TENM3: variants seen among roughly 807,000 people sequenced by gnomAD.
TENM3 encodes the protein teneurin transmembrane protein 3, also known as teneurin-3.
In TENM3, 63 loss-of-function variants were observed where a neutral mutation model predicts 255.1. The ratio of observed to expected loss-of-function variants is 0.25; its 90% CI spans 0.20 to 0.30. TENM3 has a LOEUF of 0.30. TENM3 is among the 10% of genes least tolerant of loss of function. The pLI is 1.00. For missense variants in TENM3, 2,929 were observed against 3,461.1 expected, an observed-to-expected ratio of 0.85 and a Z score of 3.86; for synonymous variants, 1,306 against 1,322.3, an observed-to-expected ratio of 0.99 and a Z score of 0.27.
chr4:182,541,732 T>C (rs1029172552), intron 3 of TENM3, among the ~76,000 whole-genome samples: 2 of 152,152 alleles, frequency 1.3e-5, no homozygotes, highest in Admixed American at 6.5e-5. Context: ...AATCTGGTTT[T>C]AAGTAACATT....
At chr4:182,391,505 G>A (rs977557827) in intron 3 of TENM3, among the ~76,000 whole-genome samples, 1 of 152,168 alleles carries the variant, frequency 6.6e-6, no homozygotes, top group African/African-American at 2.4e-5. Context: ...GCAAACACAG[G>A]CACACGGCTG....
the TENM3 span, among the ~76,000 whole-genome samples, chr4:181,529,692 G>C: frequency 6.6e-6 from 1 of 152,210 alleles, no homozygotes; most frequent in Admixed American, 6.5e-5. Context: ...CACAAGTATT[G>C]CATTTACACT....
chr4:181,540,474 G>A, the TENM3 span, among the ~76,000 whole-genome samples: 3 of 152,066 alleles, frequency 2.0e-5, no homozygotes, highest in African/African-American at 4.8e-5. Context: ...AGTACAGAGC[G>A]GACAGGGAGA....
At chr4:182,742,180 C>T (rs1261668740) in intron 18 of TENM3, among the ~76,000 whole-genome samples, 2 of 152,180 alleles carry the variant, frequency 1.3e-5, no homozygotes, top group African/African-American at 4.8e-5. Context: ...AAACTGGAGG[C>T]ACTGATCTGT....
At chr4:181,709,997 C>T in the TENM3 span, among the ~76,000 whole-genome samples, 1 of 152,258 alleles carries the variant, frequency 6.6e-6, no homozygotes, top group East Asian at 1.9e-4. Flanking sequence ...ACTCTGGACA[C>T]ATTAAATTTG....
the TENM3 span, among the ~76,000 whole-genome samples, chr4:181,697,560 A>G: frequency 5.3e-5 from 8 of 151,804 alleles, no homozygotes; most frequent in Admixed American, 5.2e-4. Context: ...CACCCGGCTA[A>G]TTTTTGTATT....
At chr4:182,366,251 TTAAAA>T (rs1384621692) in intron 3 of TENM3, among the ~76,000 whole-genome samples, 2 of 151,968 alleles carry the variant, frequency 1.3e-5, no homozygotes, top group Non-Finnish European at 2.9e-5. Flanking sequence ...TTTACAAACT[TTAAAA>T]TATAATCAAA....
chr4:182,178,534 T>C (rs972850079), intron 1 of TENM3, among the ~76,000 whole-genome samples: 1 of 152,242 alleles, frequency 6.6e-6, no homozygotes, highest in African/African-American at 2.4e-5. Context: ...GTGTCTTGCA[T>C]GTTCAGGGAT....
the TENM3 span, among the ~76,000 whole-genome samples, chr4:181,569,191 A>C: frequency 6.6e-6 from 1 of 152,118 alleles, no homozygotes; most frequent in South Asian, 2.1e-4. Context: ...AGCAACAACA[A>C]ATGTGAGGTC....
intron 24 of TENM3, among the ~76,000 whole-genome samples, chr4:182,785,712 T>TAAAAAAA (rs397879537): frequency 2.5e-4 from 15 of 60,074 alleles, no homozygotes; most frequent in African/African-American, 6.5e-4. Context: ...TGTCTCAAGA[T>TAAAAAAA]AAAAAAAAAA....
At chr4:182,200,750 G>A (rs1250222129) in intron 1 of TENM3, among the ~76,000 whole-genome samples, 2 of 151,358 alleles carry the variant, frequency 1.3e-5, no homozygotes, top group African/African-American at 4.9e-5. Context: ...ATAGGGTGAT[G>A]TCAATTGCTA....
chr4:181,976,787 A>T, the TENM3 span, among the ~76,000 whole-genome samples: 1 of 152,196 alleles, frequency 6.6e-6, no homozygotes, highest in Non-Finnish European at 1.5e-5. Flanking sequence ...ATAGTATTTA[A>T]ATTCACGACC....
the TENM3 span, among the ~76,000 whole-genome samples, chr4:182,129,535 T>C: frequency 1.3e-5 from 2 of 152,034 alleles, no homozygotes; most frequent in Non-Finnish European, 2.9e-5. Context: ...AAGACTATAA[T>C]AGATCACCCA....
the TENM3 span, among the ~76,000 whole-genome samples, chr4:182,042,244 T>G: frequency 3.1e-4 from 47 of 152,308 alleles, 1 homozygote; most frequent in Admixed American, 3.0e-3. Context: ...TCTCTCTCCT[T>G]GATATAGCTC....
chr4:181,764,294 A>C, the TENM3 span, among the ~76,000 whole-genome samples: 2 of 152,182 alleles, frequency 1.3e-5, no homozygotes, highest in African/African-American at 4.8e-5. Context: ...AACATGGTAA[A>C]AGGATGTAAT....
At chr4:182,086,023 A>G in the TENM3 span, among the ~76,000 whole-genome samples, 5 of 152,192 alleles carry the variant, frequency 3.3e-5, no homozygotes, top group Non-Finnish European at 5.9e-5. Flanking sequence ...TGACGGCATA[A>G]GAAGTCCGTA....
At chr4:181,680,363 A>G in the TENM3 span, among the ~76,000 whole-genome samples, 5 of 152,176 alleles carry the variant, frequency 3.3e-5, no homozygotes, top group African/African-American at 1.2e-4. Flanking sequence ...TCTTTCTAAA[A>G]AATATATTTT....
chr4:181,682,245 G>A, the TENM3 span, among the ~76,000 whole-genome samples: 1,395 of 152,202 alleles, frequency 9.2e-3, 19 homozygotes, highest in African/African-American at 0.032. Context: ...ATCATCGAAC[G>A]CAAAATCTCA....
chr4:182,671,889 T>G (rs933033180), intron 6 of TENM3, among the ~76,000 whole-genome samples: 3 of 151,152 alleles, frequency 2.0e-5, no homozygotes, highest in Non-Finnish European at 4.4e-5. Context: ...TTGTTATCAG[T>G]TTTTTTTTAA....
Sources: allele counts gnomAD v4.1 joint callset (sites outside exome capture counted in the v4.1 genomes callset), GRCh38; gene constraint gnomAD v4.1.1; transcripts MANE v1.5; gene names NCBI Gene and HGNC (gene_info 2026-07-23, HGNC 2026-07-21).